The following LRRC63 variants were observed in gnomAD, a reference collection of about 807,000 sequenced individuals.
LRRC63 encodes the protein leucine rich repeat containing 63, also known as leucine-rich repeat-containing protein 63.
LRRC63 carries 40 observed loss-of-function variants against 49.5 expected under a neutral mutation model. The ratio of observed to expected loss-of-function variants is 0.81; its 90% CI spans 0.63 to 1.05. The LOEUF is 1.05. Among genes scored for constraint, LRRC63 ranks in the 50% least tolerant of loss-of-function variants. The pLI is 0.00. For missense variants in LRRC63, 636 were observed against 663.1 expected, an observed-to-expected ratio of 0.96 and a Z score of 0.45; for synonymous variants, 191 against 221.1, an observed-to-expected ratio of 0.86 and a Z score of 1.21.
chr13:46,270,015 T>C, intron 9 of LRRC63: 1 of 434,850 alleles, frequency 2.3e-6, no homozygotes, highest in Non-Finnish European at 4.2e-6. Context: ...CATTGTGTTT[T>C]TCTATACATG....
chr13:46,229,777 A>T (rs923297470), intron 4 of LRRC63, among the ~76,000 whole-genome samples: 7 of 152,178 alleles, frequency 4.6e-5, no homozygotes, highest in Non-Finnish European at 1.0e-4. Context: ...GCATTGCTAT[A>T]AAGAAATACC....
At chr13:46,222,847 G>A (rs1435276093) in intron 2 of LRRC63, among the ~76,000 whole-genome samples, 1 of 152,090 alleles carries the variant, frequency 6.6e-6, no homozygotes, top group Non-Finnish European at 1.5e-5. Context: ...TTAAGAAAAT[G>A]TGGCACATAT....
intron 9 of LRRC63, among the ~76,000 whole-genome samples, chr13:46,268,723 C>A (rs2047714855): frequency 6.6e-6 from 1 of 151,344 alleles, no homozygotes; most frequent in South Asian, 2.1e-4. Context: ...AAAGGATGTA[C>A]ATCAAAAAAA....
intron 2 of LRRC63, among the ~76,000 whole-genome samples, chr13:46,219,996 C>T (rs2138363566): frequency 6.6e-6 from 1 of 152,302 alleles, no homozygotes; most frequent in South Asian, 2.1e-4. Context: ...AGAGGGGCAC[C>T]CACCAGATGC....
chr13:46,223,425 C>T (rs1458687038), intron 2 of LRRC63, among the ~76,000 whole-genome samples: 1 of 150,986 alleles, frequency 6.6e-6, no homozygotes, highest in Non-Finnish European at 1.5e-5. Context: ...CTTTATTTTT[C>T]CTCCATCTGT....
At chr13:46,233,799 A>T (rs115978201) in intron 4 of LRRC63, among the ~76,000 whole-genome samples, 2,112 of 152,288 alleles carry the variant, frequency 0.014, 54 homozygotes, top group African/African-American at 0.049. Flanking sequence ...TGTCTTCATG[A>T]GGTATTCTTA....
At chr13:46,262,064 T>C (rs2047623243) in intron 8 of LRRC63, 72 bp downstream of exon 8, 1 of 484,858 alleles carries the variant, frequency 2.1e-6, no homozygotes. Context: ...ATAGAGAAAA[T>C]CAATCCTTTC....
intron 6 of LRRC63, among the ~76,000 whole-genome samples, chr13:46,249,665 C>A (rs1233169989): frequency 6.6e-6 from 1 of 151,710 alleles, no homozygotes; most frequent in Non-Finnish European, 1.5e-5. Flanking sequence ...AAACTTGGAG[C>A]ACTGATGCTT....
At chr13:46,223,010 A>G (rs927264429) in intron 2 of LRRC63, among the ~76,000 whole-genome samples, 3 of 142,394 alleles carry the variant, frequency 2.1e-5, no homozygotes, top group East Asian at 4.4e-4. Context: ...TAATTGAACA[A>G]TGAGAACACA....
chr13:46,273,762 G>A (rs1346655766), intron 9 of LRRC63, among the ~76,000 whole-genome samples: 1 of 151,370 alleles, frequency 6.6e-6, no homozygotes, highest in African/African-American at 2.4e-5. Flanking sequence ...AATTACAAAA[G>A]TTAGCTGGGC....
At chr13:46,226,736 C>T (rs1403243664) in intron 2 of LRRC63, among the ~76,000 whole-genome samples, 1 of 152,170 alleles carries the variant, frequency 6.6e-6, no homozygotes, top group Non-Finnish European at 1.5e-5. Context: ...CTCTAGCAAT[C>T]CCATATAGAC....
intron 5 of LRRC63, among the ~76,000 whole-genome samples, chr13:46,240,968 G>A (rs566511212): frequency 6.6e-6 from 1 of 152,164 alleles, no homozygotes. Context: ...ATTCTTCACA[G>A]AACTAGAAAA....
chr13:46,245,175 T>C (rs1178601027), intron 5 of LRRC63, among the ~76,000 whole-genome samples: 1 of 152,180 alleles, frequency 6.6e-6, no homozygotes, highest in East Asian at 1.9e-4. Context: ...TGTATAGATA[T>C]AATTAGAATG....
At chr13:46,271,932 C>T (rs2047765290) in intron 9 of LRRC63, among the ~76,000 whole-genome samples, 1 of 151,810 alleles carries the variant, frequency 6.6e-6, no homozygotes, top group Non-Finnish European at 1.5e-5. Flanking sequence ...CTAATAATAA[C>T]TAACAATAAC....
chr13:46,223,046 C>T lies in LRRC63; in HGVS notation c.86-4466C>T, dbSNP rs34774064. On this transcript the variant is annotated intron_variant, in intron 2 of 9. Coordinates refer to ENST00000595396, the Ensembl canonical transcript of LRRC63. ...TGGACACAGGAAGGGGAACATCACACTCTGGGGACTGTTGTGGGGTGGGGG... is the reference window on the plus strand; with the variant it reads ...TGGACACAGGAAGGGGAACATCACATTCTGGGGACTGTTGTGGGGTGGGGG... Among the ~76,000 whole-genome samples, 716 of 115,532 alleles carry T rather than the reference C, an allele frequency of 6.2e-3. 7 individuals are homozygous for T. The highest frequency in any genetic ancestry group is 6.4e-3 in the Non-Finnish European group (392 of 61,440). 75.8% of individuals were successfully genotyped at this position (115,532 alleles called of 152,430 possible).
At chr13:46,233,773 G>A (rs2046828686) in intron 4 of LRRC63, among the ~76,000 whole-genome samples, 1 of 152,138 alleles carries the variant, frequency 6.6e-6, no homozygotes. Context: ...TGATGCTAAG[G>A]AAAAAGTGAG....
At chr13:46,225,600 G>C (rs149790052) in intron 2 of LRRC63, among the ~76,000 whole-genome samples, 1 of 152,214 alleles carries the variant, frequency 6.6e-6, no homozygotes, top group Non-Finnish European at 1.5e-5. Context: ...AGCGTTTGCT[G>C]TGTTAATGTG....
exon 7 of LRRC63, chr13:46,250,390 G>T (rs1208728338): frequency 9.9e-6 from 15 of 1,521,656 alleles, no homozygotes; most frequent in Admixed American, 2.0e-5. Context: ...TACTGAAATT[G>T]AGAAATAATC....
chr13:46,267,100 C>T, intron 9 of LRRC63, 128 bp downstream of exon 9: 1 of 867,788 alleles, frequency 1.2e-6, no homozygotes, highest in Non-Finnish European at 1.7e-6. Context: ...AAACCATACA[C>T]ACAATTCTTC....
Sources: gnomAD v4.1 joint callset for allele counts (sites outside exome capture counted in the v4.1 genomes callset) on GRCh38, gnomAD v4.1.1 for gene constraint, MANE v1.5 for transcripts, NCBI Gene and HGNC (gene_info 2026-07-23, HGNC 2026-07-21) for gene names.